ATP6V0A2: variants seen among roughly 807,000 people sequenced by gnomAD.
The protein encoded by ATP6V0A2 is V-type proton ATPase 116 kDa subunit a 2.
ATP6V0A2 carries 58 observed loss-of-function variants against 104.4 expected under a neutral mutation model. That is an observed-to-expected ratio of 0.56 (90% CI 0.45 to 0.69). The LOEUF is 0.69. Among genes scored for constraint, ATP6V0A2 ranks in the 30% least tolerant of loss-of-function variants. The pLI, the probability that ATP6V0A2 is intolerant of heterozygous loss-of-function variation, is 0.00. For synonymous variants in ATP6V0A2, 376 were observed against 397.9 expected (o/e 0.95, Z 0.65); for missense variants, 938 against 1,062.9 (o/e 0.88, Z 1.63).
chr12:123,723,914 A>C (rs529540670), intron 3 of ATP6V0A2: 1 of 152,246 alleles, frequency 6.6e-6, no homozygotes, highest in East Asian at 1.9e-4. Context: ...AGAGTCTTTG[A>C]TGTGTGATAT....
At chr12:123,755,497 C>T (rs1214270592) in intron 18 of ATP6V0A2, among the ~76,000 whole-genome samples, 1 of 147,812 alleles carries the variant, frequency 6.8e-6, no homozygotes, top group Non-Finnish European at 1.5e-5. Flanking sequence ...GATCACATCA[C>T]TGCATTCCAG....
At position 123,712,357 on chromosome 12, in the gene ATP6V0A2, C is replaced by T; in HGVS notation, c.-209C>T. The T allele has an allele frequency of 1.2e-5, 4 of 326,056 alleles. No homozygotes were observed. Among genetic ancestry groups the T allele is most frequent in the Non-Finnish European group, 2.2e-5 (4 of 181,530 alleles). 20.2% of individuals were successfully genotyped at this position (326,056 alleles called of 1,614,324 possible). A position where few individuals can be genotyped will look rare whatever the true frequency, so the allele number is the denominator to read the frequency against. ...AACCGGCAGTGGCTTGGGGGCGGGA[C>T]CTCGCGGACTGCTGTGGCGGCAGCT... On this transcript the variant is annotated 5_prime_UTR_variant, in exon 1 of 20. Transcript: ENST00000330342.
At chr12:123,747,169 T>C (rs544683376) in intron 13 of ATP6V0A2, among the ~76,000 whole-genome samples, 1 of 152,274 alleles carries the variant, frequency 6.6e-6, no homozygotes, top group South Asian at 2.1e-4. Context: ...AGCTAAACTT[T>C]ATGACAAAAT....
At position 123,752,330 on chromosome 12, in the gene ATP6V0A2, G is replaced by T; in HGVS notation, c.2103G>T (p.Leu701Phe). The T allele has an allele frequency of 1.9e-6, 3 of 1,614,172 alleles. No individual in the cohort carries two copies. The highest frequency in any genetic ancestry group is 2.5e-6 in the Non-Finnish European group (3 of 1,180,010). The change falls in exon 17 of 20, where the codon TTG (leucine) becomes TTT (phenylalanine). Residue 701 changes from leucine (L) to phenylalanine (F), a missense_variant. Leu to Phe is a conservative substitution (Grantham distance 22). Coordinates refer to ENST00000330342, the MANE Select transcript of ATP6V0A2 (RefSeq NM_012463.4). ...AAGATAGTGAGGAAGAAGTTTCATT[G>T]CTGGGAAGCCAAGATATAGAAGAGG... Reference protein sequence around the residue: ...IRKDSEEEVSLLGSQDIEEGN... With the variant: ...IRKDSEEEVSFLGSQDIEEGN...
At chr12:123,750,866 T>C (rs915282836) in intron 15 of ATP6V0A2, 4 of 515,014 alleles carry the variant, frequency 7.8e-6, no homozygotes, top group African/African-American at 1.9e-5. Flanking sequence ...TTTTGTAAAG[T>C]TTCCTTGCTG....
intron 16 of ATP6V0A2, among the ~76,000 whole-genome samples, chr12:123,751,862 C>CTTTTTTTTTT (rs34862238): frequency 1.6e-5 from 2 of 123,454 alleles, no homozygotes; most frequent in Non-Finnish European, 3.3e-5. Flanking sequence ...TTCTTTCTTT[C>CTTTTTTTTTT]TTTTTTTTTT....
At chr12:123,726,794 A>T (rs1234210640) in intron 5 of ATP6V0A2, among the ~76,000 whole-genome samples, 1 of 152,232 alleles carries the variant, frequency 6.6e-6, no homozygotes, top group Admixed American at 6.5e-5. Flanking sequence ...ATTTAGTTTG[A>T]GGATGTTTTC....
At chr12:123,754,976 A>G (rs1956749581) in intron 18 of ATP6V0A2, among the ~76,000 whole-genome samples, 1 of 152,226 alleles carries the variant, frequency 6.6e-6, no homozygotes, top group Admixed American at 6.5e-5. Context: ...AGCCTTGATC[A>G]CAGGAGTCCT....
chr12:123,718,800 G>C lies in ATP6V0A2; in HGVS notation c.196+99G>C, dbSNP rs578213453. On this transcript the variant is annotated intron_variant, in intron 2 of 19. Transcript: ENST00000330342. The stretch of plus-strand genomic sequence containing the variant: ...TTGGAAAATATAGACAAGCAGAAAG[G>C]AAAAAAAGAAATTGTATTCTCATTC... 4.0e-4 allele frequency: 321 copies of C among 799,478 alleles called. 1 individual carries two copies. Among genetic ancestry groups the C allele is most frequent in the Middle Eastern group, 4.0e-3 (15 of 3,770 alleles). The allele number at this position is 799,478 out of a possible 1,614,324, so 49.5% of individuals were successfully genotyped here.
At chr12:123,746,499 G>A (rs1956663450) in intron 13 of ATP6V0A2, among the ~76,000 whole-genome samples, 1 of 151,764 alleles carries the variant, frequency 6.6e-6, no homozygotes, top group Admixed American at 6.6e-5. Context: ...AAAATTAGCT[G>A]GGAGTGGTGG....
intron 6 of ATP6V0A2, chr12:123,733,579 G>T: frequency 3.1e-6 from 1 of 325,736 alleles, no homozygotes. Context: ...AAAAAGCACA[G>T]AAGTGTGAAA....
intron 18 of ATP6V0A2, 39 bp downstream of exon 18, chr12:123,754,576 T>G (rs755299553): frequency 1.4e-6 from 2 of 1,429,760 alleles, no homozygotes; most frequent in Non-Finnish European, 2.0e-6. Flanking sequence ...CAATGCCCTG[T>G]AGTGCCAGCA....
rs1566289932 is a variant in ATP6V0A2 at position 123,748,595 on chromosome 12, A to G, written c.1745A>G (p.Asn582Ser). The G allele has an allele frequency of 6.2e-7, 1 of 1,613,866 alleles. No homozygotes were observed. Among genetic ancestry groups the G allele is most frequent in the Non-Finnish European group, 8.5e-7 (1 of 1,179,724 alleles). Reference protein sequence around the residue: ...FNHLHFRKKFNIYLVSIPELL... With the variant: ...FNHLHFRKKFSIYLVSIPELL... Reference sequence around the variant, plus strand: ...CCTAGGCACTTCAGGAAGAAGTTCAACATTTACCTGGTTTCCATCCCGGAA... The same window carrying G: ...CCTAGGCACTTCAGGAAGAAGTTCAGCATTTACCTGGTTTCCATCCCGGAA... Residue 582 changes from asparagine (N) to serine (S), a missense_variant, in exon 15 of 20, where the codon AAC becomes AGC. Physicochemically the swap from Asn to Ser is conservative, Grantham distance 46. Transcript: ENST00000330342.
At chr12:123,753,274 C>T (rs919284557) in intron 17 of ATP6V0A2, among the ~76,000 whole-genome samples, 3 of 152,060 alleles carry the variant, frequency 2.0e-5, no homozygotes, top group African/African-American at 7.2e-5. Flanking sequence ...GTCCCCTTTA[C>T]CAATGACTGC....
chr12:123,754,786 A>G (rs1393390333), intron 18 of ATP6V0A2: 1 of 514,186 alleles, frequency 1.9e-6, no homozygotes, highest in Non-Finnish European at 3.5e-6. Context: ...GCCCAATTTA[A>G]AAAAAAAATC....
In ATP6V0A2 at chr12:123,744,367, T is replaced by C. The variant is rs1399357973; in HGVS notation, c.1326+30T>C. On this transcript the variant is annotated intron_variant, in intron 11 of 19. Transcript: ENST00000330342. The surrounding 1 kb of genome is among the most constrained non-coding windows in gnomAD (Gnocchi z 5.4). Reference sequence around the variant, plus strand: ...AAATATAAACACTCCAGCTCATATATCTGGTTAGGTGGCATTAGCAGTGAC... The same window carrying C: ...AAATATAAACACTCCAGCTCATATACCTGGTTAGGTGGCATTAGCAGTGAC... 1 of 1,613,866 alleles carries C rather than the reference T, an allele frequency of 6.2e-7. No homozygotes were observed. Among genetic ancestry groups the C allele is most frequent in the African/African-American group, 1.3e-5 (1 of 75,032 alleles).
At chr12:123,729,569 GGAGA>G (rs1956481362) in intron 6 of ATP6V0A2, among the ~76,000 whole-genome samples, 3 of 152,110 alleles carry the variant, frequency 2.0e-5, no homozygotes, top group Middle Eastern at 3.4e-3. Context: ...GAGGCAGCGG[GGAGA>G]GACAGAGTCA....
rs1182849565 is a variant in ATP6V0A2, at chr12:123,756,912, T to C, written c.2391T>C (p.Phe797=). The C allele has an allele frequency of 6.2e-7, 1 of 1,614,216 alleles. No individual in the cohort carries two copies. The change falls in exon 19 of 20, where the codon TTT becomes TTC. Residue 797 remains phenylalanine, a synonymous_variant. Coordinates refer to ENST00000330342, the MANE Select transcript of ATP6V0A2 (RefSeq NM_012463.4). ...VLLLLPVIAL[F]AVLTIFILLI... The stretch of plus-strand genomic sequence containing the variant: ...TACTGCTCCCGGTTATCGCGCTCTT[T>C]GCAGTTTTGACCATTTTCATCCTTC...
At chr12:123,735,222 T>G (rs1223831067) in intron 7 of ATP6V0A2, among the ~76,000 whole-genome samples, 1 of 151,976 alleles carries the variant, frequency 6.6e-6, no homozygotes, top group Non-Finnish European at 1.5e-5. Context: ...TTAAACCTGT[T>G]CAGTGATTCC....
Sources: gnomAD v4.1 joint callset for allele counts (sites outside exome capture counted in the v4.1 genomes callset) on GRCh38, gnomAD v4.1.1 for gene constraint, Gnocchi (gnomAD v3.1) non-coding constraint, MANE v1.5 for transcripts, NCBI Gene and HGNC (gene_info 2026-07-23, HGNC 2026-07-21) for gene names.